ADAMTS9: variants seen among roughly 807,000 people sequenced by gnomAD.
ADAMTS9 encodes ADAM metallopeptidase with thrombospondin type 1 motif 9, also known as A disintegrin and metalloproteinase with thrombospondin motifs 9.
ADAMTS9 carries 107 observed loss-of-function variants against 257.1 expected under a neutral mutation model. The ratio of observed to expected loss-of-function variants is 0.42; its 90% confidence interval spans 0.36 to 0.49. The LOEUF (loss-of-function observed/expected upper bound fraction) is 0.49. Ranked by LOEUF, ADAMTS9 falls within the 20% of genes least tolerant of loss-of-function variation. The pLI, the probability that ADAMTS9 is intolerant of heterozygous loss-of-function variation, is 0.03. For synonymous variants in ADAMTS9, 982 were observed against 880.9 expected (o/e 1.11, Z -2.03); for missense variants, 2,353 against 2,469.1 (o/e 0.95, Z 1.00).
chr3:64,581,047 GA>G (rs1413158858), intron 28 of ADAMTS9, among the ~76,000 whole-genome samples: 1 of 152,160 alleles, frequency 6.6e-6, no homozygotes, highest in Non-Finnish European at 1.5e-5. Context: ...CCGCACGATA[GA>G]CATCATAAGA....
intron 4 of ADAMTS9, among the ~76,000 whole-genome samples, chr3:64,656,793 G>A (rs150270036): frequency 3.5e-4 from 53 of 152,096 alleles, no homozygotes; most frequent in South Asian, 6.2e-4. Context: ...GTTGGGGGGC[G>A]CAGAGGGGAA....
At chr3:64,656,420 G>A (rs375855172) in intron 4 of ADAMTS9, among the ~76,000 whole-genome samples, 1 of 152,024 alleles carries the variant, frequency 6.6e-6, no homozygotes, top group Non-Finnish European at 1.5e-5. Flanking sequence ...GCGAAACTCT[G>A]GGCTGAAAAC....
intron 19 of ADAMTS9, among the ~76,000 whole-genome samples, chr3:64,619,680 T>TA (rs1700057732): frequency 3.3e-5 from 5 of 152,242 alleles, no homozygotes; most frequent in South Asian, 2.1e-4. Flanking sequence ...ATATAACTGT[T>TA]AGAAAAAATA....
chr3:64,640,212 T>C (rs1219323328), intron 12 of ADAMTS9, among the ~76,000 whole-genome samples: 2 of 152,174 alleles, frequency 1.3e-5, no homozygotes, highest in East Asian at 3.8e-4. Flanking sequence ...GGACATGAAA[T>C]AAGGTTGGGT....
chr3:64,675,576 G>A (rs139874205), intron 3 of ADAMTS9, among the ~76,000 whole-genome samples: 7 of 152,178 alleles, frequency 4.6e-5, no homozygotes, highest in South Asian at 2.1e-4. Flanking sequence ...CTATGATCGC[G>A]CCACTGCACT....
At chr3:64,638,852 A>G (rs1700566444) in intron 12 of ADAMTS9, among the ~76,000 whole-genome samples, 1 of 152,152 alleles carries the variant, frequency 6.6e-6, no homozygotes, top group Admixed American at 6.5e-5. Context: ...TACACTCTTG[A>G]ATCAGATAAA....
At chr3:64,613,070 G>T (rs561676335) in intron 22 of ADAMTS9, among the ~76,000 whole-genome samples, 1 of 152,146 alleles carries the variant, frequency 6.6e-6, no homozygotes, top group Admixed American at 6.5e-5. Flanking sequence ...AATCTGTTGT[G>T]AATTTGTTCA....
intron 28 of ADAMTS9, among the ~76,000 whole-genome samples, chr3:64,572,276 T>C (rs1374409916): frequency 6.6e-6 from 1 of 152,200 alleles, no homozygotes; most frequent in Non-Finnish European, 1.5e-5. Flanking sequence ...TGTGGTGTTT[T>C]GTTCAGAGAT....
intron 29 of ADAMTS9, chr3:64,565,779 A>T (rs1222478410): frequency 6.6e-6 from 1 of 152,212 alleles, no homozygotes; most frequent in Admixed American, 6.5e-5. Context: ...CTTGATTAAA[A>T]ATATCTAAAC....
Position 64,687,092 on chromosome 3 carries a change from C to T in ADAMTS9, c.116-124G>A. On this transcript the variant is annotated intron_variant, in intron 1 of 39. Transcript: ENST00000498707. The surrounding 1 kb of genome is among the most constrained non-coding windows in gnomAD (Gnocchi z 4.4). ...GCCCATTCGAGTCAATCCCTTCACCCTTAATCAGTGGACAAATATTTGCTG... is the reference window on the plus strand; with the variant it reads ...GCCCATTCGAGTCAATCCCTTCACCTTTAATCAGTGGACAAATATTTGCTG... 3.4e-6 allele frequency: 4 copies of T among 1,177,958 alleles called. No homozygotes were observed. Among genetic ancestry groups the T allele is most frequent in the Non-Finnish European group, 4.7e-6 (4 of 846,550 alleles). The allele number at this position is 1,177,958 out of a possible 1,614,324, so 73.0% of individuals were successfully genotyped here.
chr3:64,634,024 C>T (rs904005907), intron 12 of ADAMTS9, 145 bp from the exon 13 acceptor site: 4 of 737,494 alleles, frequency 5.4e-6, no homozygotes, highest in Admixed American at 2.8e-5. Context: ...AGCTCTGATC[C>T]CTGGTTTTGC....
chr3:64,601,001 T>A (rs143656940), intron 26 of ADAMTS9, among the ~76,000 whole-genome samples: 31 of 152,336 alleles, frequency 2.0e-4, no homozygotes, highest in South Asian at 6.2e-4. Context: ...CCCAGGATCC[T>A]TTAAAACCCT....
Position 64,601,675 on chromosome 3 carries a change from G to A in ADAMTS9, c.4017+269C>T, listed in dbSNP as rs569562409. 4.6e-5 allele frequency among the ~76,000 whole-genome samples: 7 copies of A among 152,124 alleles called. No homozygotes were observed. The East Asian group carries it at 5.8e-4, about 13-fold the overall frequency. Reference sequence around the variant, plus strand: ...CAGGATGAATCCTGATGGTATTTACGGTACCTCCAGGAGGCCATGTGATCA... The same window carrying A: ...CAGGATGAATCCTGATGGTATTTACAGTACCTCCAGGAGGCCATGTGATCA... On this transcript the variant is annotated intron_variant, in intron 26 of 39. Coordinates refer to ENST00000498707, the MANE Select transcript of ADAMTS9 (RefSeq NM_182920.2).
intron 38 of ADAMTS9, among the ~76,000 whole-genome samples, chr3:64,531,261 G>A (rs1282369747): frequency 6.6e-6 from 1 of 152,150 alleles, no homozygotes; most frequent in Non-Finnish European, 1.5e-5. Flanking sequence ...CTCTTTCTCA[G>A]GTGAGGGAGG....
At chr3:64,529,391 C>T (rs1335471707) in intron 38 of ADAMTS9, among the ~76,000 whole-genome samples, 1 of 151,966 alleles carries the variant, frequency 6.6e-6, no homozygotes, top group Admixed American at 6.6e-5. Flanking sequence ...CATTTTATTG[C>T]CAAGGAGGTT....
chr3:64,610,751 G>A (rs1451637929), intron 22 of ADAMTS9, among the ~76,000 whole-genome samples: 3 of 151,980 alleles, frequency 2.0e-5, no homozygotes, highest in Non-Finnish European at 2.9e-5. Flanking sequence ...AAAATTATGC[G>A]GTTGCTGTAG....
Position 64,686,329 on chromosome 3 carries a change from A to G in ADAMTS9, c.516+239T>C, listed in dbSNP as rs1236680764. The stretch of plus-strand genomic sequence containing the variant: ...CAACGCGCCGCTGAACCGAGTCCAA[A>G]CTCCAGAAAGCTCTGAAACATCCAG... On this transcript the variant is annotated intron_variant, in intron 2 of 39. Transcript: ENST00000498707. This position sits in a 1 kb window ranked among gnomAD's most constrained non-coding sequence, Gnocchi z 4.6. Among the ~76,000 whole-genome samples, 1 of 152,146 alleles carries G rather than the reference A, an allele frequency of 6.6e-6. No homozygotes were observed. Among genetic ancestry groups the G allele is most frequent in the Non-Finnish European group, 1.5e-5 (1 of 68,022 alleles).
Position 64,541,117 on chromosome 3 carries a change from G to A in ADAMTS9, c.5499C>T (p.Asp1833=), listed in dbSNP as rs1225163122. 2 of 1,614,052 alleles carry A rather than the reference G, an allele frequency of 1.2e-6. No individual in the cohort carries two copies. The highest frequency in any genetic ancestry group is 1.7e-6 in the Non-Finnish European group (2 of 1,179,946). The change falls in exon 36 of 40, where the codon GAC becomes GAT. Residue 1833 remains aspartate, a synonymous_variant. Coordinates refer to ENST00000498707, the MANE Select transcript of ADAMTS9 (RefSeq NM_182920.2). ...GFSSFQKIRI[D]LTSMQIITTD... Reference sequence around the variant, plus strand: ...TACTGATTATCTGCATGCTGGTCAGGTCTATTCTGATTTTCTGAAAACTGG... The same window carrying A: ...TACTGATTATCTGCATGCTGGTCAGATCTATTCTGATTTTCTGAAAACTGG...
rs1393267805 is a variant in ADAMTS9, at chr3:64,616,229, T to C, written c.2814-59A>G. 8.4e-6 allele frequency: 13 copies of C among 1,552,004 alleles called. No individual in the cohort carries two copies. The East Asian group carries it at 1.8e-4, about 21-fold the overall frequency. On this transcript the variant is annotated intron_variant, in intron 19 of 39. Coordinates refer to ENST00000498707, the MANE Select transcript of ADAMTS9 (RefSeq NM_182920.2). The stretch of plus-strand genomic sequence containing the variant: ...CTGTTAAAAATATATGCCTTATCTA[T>C]AGTCAACTGGTATTCATAGAAGAGT...
Sources: gnomAD v4.1 joint callset for allele counts (sites outside exome capture counted in the v4.1 genomes callset) on GRCh38, gnomAD v4.1.1 for gene constraint, Gnocchi (gnomAD v3.1) non-coding constraint, MANE v1.5 for transcripts, NCBI Gene and HGNC (gene_info 2026-07-23, HGNC 2026-07-21) for gene names.